Variants in RUNX2 observed in about 807,000 individuals in gnomAD.
The protein encoded by RUNX2 is runt-related transcription factor 2.
RUNX2 carries 10 observed loss-of-function variants against 51.7 expected under a neutral mutation model. The ratio of observed to expected loss-of-function variants is 0.19; its 90% confidence interval spans 0.12 to 0.33. The LOEUF (loss-of-function observed/expected upper bound fraction) is 0.33. Among genes scored for constraint, RUNX2 ranks in the 10% least tolerant of loss-of-function variants. The pLI, the probability that RUNX2 is intolerant of heterozygous loss-of-function variation, is 1.00. For missense variants in RUNX2, 562 were observed against 691.3 expected, an observed-to-expected ratio of 0.81 and a Z score of 2.10; for synonymous variants, 276 against 273.6, an observed-to-expected ratio of 1.01 and a Z score of -0.09.
At chr6:45,450,359 A>G (rs925421685) in intron 5 of RUNX2, among the ~76,000 whole-genome samples, 1 of 152,066 alleles carries the variant, frequency 6.6e-6, no homozygotes. Flanking sequence ...ACAATTAGAG[A>G]TGTGTTTTAA....
At chr6:45,390,147 CA>C (rs1459207021) in intron 2 of RUNX2, among the ~76,000 whole-genome samples, 1 of 152,098 alleles carries the variant, frequency 6.6e-6, no homozygotes, top group Non-Finnish European at 1.5e-5. Flanking sequence ...CTGTTGTGAC[CA>C]AGCAACCTTC....
Position 45,331,338 on chromosome 6 carries a change from T to C in RUNX2, c.58+2554T>C, listed in dbSNP as rs550217394. Among the ~76,000 whole-genome samples the C allele has an allele frequency of 6.6e-4, 100 of 152,154 alleles. 1 individual carries two copies. The Middle Eastern group carries it at 0.014, about 21-fold the overall frequency. ...TGAAAATATATCAGCTGACTGATTA[T>C]CTACATAAAATCTTTGTAACTGCTT... On this transcript the variant is annotated intron_variant, in intron 2 of 8. Coordinates refer to ENST00000647337, the MANE Select transcript of RUNX2 (RefSeq NM_001024630.4).
At chr6:45,439,130 C>T (rs966127563) in intron 5 of RUNX2, among the ~76,000 whole-genome samples, 2 of 152,172 alleles carry the variant, frequency 1.3e-5, no homozygotes, top group East Asian at 1.9e-4. Context: ...TGGTGGGTCC[C>T]GTCCCTTTTG....
intron 7 of RUNX2, among the ~76,000 whole-genome samples, chr6:45,521,177 T>C (rs1459705710): frequency 6.6e-6 from 1 of 151,640 alleles, no homozygotes; most frequent in Non-Finnish European, 1.5e-5. Context: ...CAAGTATTAG[T>C]GGGAAAGAAG....
chr6:45,369,002 GA>G (rs1795607127), intron 2 of RUNX2, among the ~76,000 whole-genome samples: 2 of 151,722 alleles, frequency 1.3e-5, no homozygotes, highest in South Asian at 2.1e-4. Context: ...CACTGAGAAT[GA>G]AAAAAATTAA....
intron 2 of RUNX2, among the ~76,000 whole-genome samples, chr6:45,403,917 T>C (rs990053772): frequency 3.3e-5 from 5 of 152,110 alleles, no homozygotes; most frequent in Admixed American, 6.6e-5. Flanking sequence ...AGAAAATCGC[T>C]ATCTCCCATA....
At chr6:45,411,049 A>C (rs1797939574) in intron 2 of RUNX2, among the ~76,000 whole-genome samples, 1 of 152,190 alleles carries the variant, frequency 6.6e-6, no homozygotes, top group South Asian at 2.1e-4. Flanking sequence ...AAGGGAGTTC[A>C]AAGGGAAGAG....
chr6:45,356,280 A>AT (rs1199673240), intron 2 of RUNX2, among the ~76,000 whole-genome samples: 14 of 152,232 alleles, frequency 9.2e-5, no homozygotes, highest in Non-Finnish European at 1.3e-4. Flanking sequence ...TGGCATACTC[A>AT]TTTGAATATA....
chr6:45,328,413 T>C lies in RUNX2; in HGVS notation c.-114T>C, dbSNP rs753655529. ...CAGCAAGAAGTCTCTGGTTTTTAAA[T>C]GGTTAATCTCCGCAGGTCACTACCA... On this transcript the variant is annotated 5_prime_UTR_variant, in exon 1 of 9. The change abolishes an upstream ATG in the 5' untranslated region. Transcript: ENST00000647337. The C allele has an allele frequency of 7.0e-7, 1 of 1,428,792 alleles. No homozygotes were observed. Among genetic ancestry groups the C allele is most frequent in the East Asian group, 3.7e-5 (1 of 27,188 alleles). The allele number at this position is 1,428,792 out of a possible 1,614,324, so 88.5% of individuals were successfully genotyped here.
chr6:45,491,667 G>A (rs958312699), intron 5 of RUNX2, among the ~76,000 whole-genome samples: 6 of 137,686 alleles, frequency 4.4e-5, no homozygotes, highest in African/African-American at 1.6e-4. Flanking sequence ...CAGAGAAGGT[G>A]TCTAGTATCC....
chr6:45,458,972 T>A (rs1476089915), intron 5 of RUNX2, among the ~76,000 whole-genome samples: 1 of 152,242 alleles, frequency 6.6e-6, no homozygotes, highest in Non-Finnish European at 1.5e-5. Flanking sequence ...GACAGTAACC[T>A]GAAGCTTTGA....
chr6:45,520,802 C>T (rs1801482587), intron 7 of RUNX2, among the ~76,000 whole-genome samples: 2 of 151,744 alleles, frequency 1.3e-5, no homozygotes, highest in South Asian at 4.2e-4. Context: ...CTCACTACAG[C>T]CTCTGCCTCC....
intron 4 of RUNX2, 76 bp downstream of exon 4, chr6:45,432,095 A>T (rs1798558359): frequency 2.9e-6 from 4 of 1,358,316 alleles, no homozygotes; most frequent in Admixed American, 1.9e-5. Context: ...ACTAGTCTGT[A>T]TACAAATCAG....
rs531493813 is a variant in RUNX2 at position 45,549,541 on chromosome 6, T to G, written c.*2236T>G. On this transcript the variant is annotated 3_prime_UTR_variant, in exon 9 of 9. Transcript: ENST00000647337. ...AGAAGGAAGTAGTAATTGATACTAT[T>G]TATTGTTTGTGTGTGGTAGCTTGAA... The G allele has an allele frequency of 7.6e-6, 3 of 396,758 alleles. No homozygotes were observed. The East Asian group carries it at 1.1e-4, about 14-fold the overall frequency. 24.6% of individuals were successfully genotyped at this position (396,758 alleles called of 1,614,324 possible). A position where few individuals can be genotyped will look rare whatever the true frequency, so the allele number is the denominator to read the frequency against.
At chr6:45,464,459 A>G (rs1799567745) in intron 5 of RUNX2, among the ~76,000 whole-genome samples, 1 of 152,188 alleles carries the variant, frequency 6.6e-6, no homozygotes, top group Non-Finnish European at 1.5e-5. Flanking sequence ...CATGAGAATA[A>G]TGTAAAGTGA....
rs528604359 is a variant in RUNX2, at chr6:45,422,437, T to C, written c.59-156T>C. The C allele has an allele frequency of 9.5e-5, 64 of 671,450 alleles. 1 individual carries two copies. In the South Asian group the frequency reaches 9.6e-4, roughly 10 times the overall value. The allele number at this position is 671,450 out of a possible 1,614,324, so 41.6% of individuals were successfully genotyped here. The stretch of plus-strand genomic sequence containing the variant: ...CGCCCGGCAGTCGGCCTCATCAAAC[T>C]TGATTTCTCACCTCCTCAGCCCCAT... On this transcript the variant is annotated intron_variant, in intron 2 of 8. Coordinates refer to ENST00000647337, the MANE Select transcript of RUNX2 (RefSeq NM_001024630.4).
At chr6:45,499,965 C>A (rs1013279216) in intron 6 of RUNX2, among the ~76,000 whole-genome samples, 2 of 152,044 alleles carry the variant, frequency 1.3e-5, no homozygotes, top group African/African-American at 2.4e-5. Flanking sequence ...TGTATGCATA[C>A]CTGTCCCCTT....
intron 2 of RUNX2, among the ~76,000 whole-genome samples, chr6:45,410,514 C>T (rs1797927415): frequency 6.6e-6 from 1 of 152,184 alleles, no homozygotes; most frequent in Middle Eastern, 3.2e-3. Flanking sequence ...TGATCACATG[C>T]TACATGCCAG....
intron 7 of RUNX2, among the ~76,000 whole-genome samples, chr6:45,525,590 G>T (rs907014079): frequency 6.6e-6 from 1 of 152,124 alleles, no homozygotes; most frequent in Non-Finnish European, 1.5e-5. Flanking sequence ...AGTTAATTGG[G>T]CTAGTTTTTC....
Sources: allele counts gnomAD v4.1 joint callset (sites outside exome capture counted in the v4.1 genomes callset), GRCh38; gene constraint gnomAD v4.1.1; transcripts MANE v1.5; gene names NCBI Gene and HGNC (gene_info 2026-07-23, HGNC 2026-07-21).